The following BARX2 variants were observed in gnomAD, a reference collection of about 807,000 sequenced individuals.
BARX2 encodes the protein homeobox protein BarH-like 2.
BARX2 carries 11 observed loss-of-function variants against 25.5 expected under a neutral mutation model. The ratio of observed to expected loss-of-function variants is 0.43; its 90% CI spans 0.27 to 0.71. The LOEUF (loss-of-function observed/expected upper bound fraction) is 0.71. Among genes scored for constraint, BARX2 ranks in the 30% least tolerant of loss-of-function variants. The pLI is 0.19. For synonymous variants in BARX2, 137 were observed against 149.5 expected (o/e 0.92, Z 0.61); for missense variants, 360 against 359.9 (o/e 1.00, Z 0.00).
Position 129,397,636 on chromosome 11 carries a change from G to C in BARX2, c.187+21414G>C, listed in dbSNP as rs147746533. On this transcript the variant is annotated intron_variant, in intron 1 of 3. Transcript: ENST00000281437. ...ACGCACCAGGCGCTATGTGAAGACT[G>C]CACAGATGATGGTGATGTGAGCGTC... Among the ~76,000 whole-genome samples the C allele has an allele frequency of 7.9e-5, 12 of 152,332 alleles. No individual in the cohort carries two copies. In the East Asian group the frequency reaches 2.3e-3, roughly 29 times the overall value.
intron 1 of BARX2, among the ~76,000 whole-genome samples, chr11:129,404,079 A>T (rs1861804754): frequency 6.6e-6 from 1 of 152,224 alleles, no homozygotes; most frequent in South Asian, 2.1e-4. Flanking sequence ...TCCAGTATCT[A>T]TGTTGTCCTG....
chr11:129,443,570 G>A (rs572782438), intron 3 of BARX2, among the ~76,000 whole-genome samples: 6 of 152,290 alleles, frequency 3.9e-5, no homozygotes, highest in Admixed American at 3.3e-4. Flanking sequence ...GGGAATGTGC[G>A]TGTTAACAAG....
Position 129,436,872 on chromosome 11 carries a change from C to G in BARX2, c.309C>G (p.Thr103=). 6.2e-7 allele frequency: 1 copy of G among 1,614,050 alleles called. No individual in the cohort carries two copies. Among genetic ancestry groups the G allele is most frequent in the East Asian group, 2.2e-5 (1 of 44,878 alleles). The change falls in exon 2 of 4, where the codon ACC becomes ACG. Residue 103 remains threonine (T), a synonymous_variant. Coordinates refer to ENST00000281437, the MANE Select transcript of BARX2 (RefSeq NM_003658.5). This position sits in a 1 kb window ranked among gnomAD's most constrained non-coding sequence, Gnocchi z 4.5. The part of the protein sequence containing the change: ...IAQALSCHQV[T]EAVSAEAPGG... ...AGGCACTGTCCTGCCACCAGGTCAC[C>G]GAGGCGGTCTCTGCTGAGGCCCCAG... is the stretch of plus-strand genomic sequence containing the variant.
intron 1 of BARX2, among the ~76,000 whole-genome samples, chr11:129,422,865 A>G (rs925926439): frequency 1.1e-4 from 16 of 151,622 alleles, no homozygotes; most frequent in African/African-American, 3.9e-4. Flanking sequence ...CACCACACCT[A>G]GCTAATTTTG....
chr11:129,439,482 A>AT (rs1443804135), intron 2 of BARX2, among the ~76,000 whole-genome samples: 1 of 151,504 alleles, frequency 6.6e-6, no homozygotes, highest in African/African-American at 2.4e-5. Context: ...CCCTGTGTCC[A>AT]TGTGTGAGAA....
intron 1 of BARX2, among the ~76,000 whole-genome samples, chr11:129,404,685 A>T (rs1861812370): frequency 6.6e-6 from 1 of 152,182 alleles, no homozygotes; most frequent in Non-Finnish European, 1.5e-5. Context: ...CTGTTATTTC[A>T]TGTTTCATTC....
At chr11:129,426,800 A>ATT (rs10596885) in intron 1 of BARX2, among the ~76,000 whole-genome samples, 1 of 146,300 alleles carries the variant, frequency 6.8e-6, no homozygotes. Context: ...TTTTCTGTGG[A>ATT]TTTTTTTTTT....
At chr11:129,411,271 T>C (rs2135398284) in intron 1 of BARX2, among the ~76,000 whole-genome samples, 1 of 148,414 alleles carries the variant, frequency 6.7e-6, no homozygotes, top group South Asian at 2.1e-4. Context: ...CTCGGGAGGC[T>C]GAGGCAGGAG....
intron 1 of BARX2, among the ~76,000 whole-genome samples, chr11:129,429,106 G>A (rs1465641480): frequency 6.7e-6 from 1 of 149,786 alleles, no homozygotes; most frequent in Non-Finnish European, 1.5e-5. Context: ...ACCAGCAATT[G>A]CTTTTCAGCC....
chr11:129,421,266 A>T (rs768595119), intron 1 of BARX2, among the ~76,000 whole-genome samples: 13 of 152,204 alleles, frequency 8.5e-5, no homozygotes, highest in Non-Finnish European at 1.6e-4. Flanking sequence ...TTGATGTCTC[A>T]TGTAAAAATT....
rs1210097290 is a variant in BARX2 at position 129,451,196 on chromosome 11, A to C, written c.634A>C (p.Ile212Leu). Residue 212 changes from isoleucine (I) to leucine (L), a missense_variant, in exon 4 of 4, where the codon ATC (isoleucine) becomes CTC (leucine). By Grantham distance (5) the Ile-to-Leu change is conservative. Around this residue, in one of 3 missense-constraint regions of BARX2, gnomAD observed 114 missense variants for 109.4 expected, o/e 1.04. Transcript: ENST00000281437. ...CAAAGGTCGCCCCAAGAAGAACTCC[A>C]TCCCCACATCAGAAGAGATTGAAGC... ...KPKGRPKKNS[I>L]PTSEEIEAEE... 2 of 1,614,180 alleles carry C rather than the reference A, an allele frequency of 1.2e-6. No homozygotes were observed. Among genetic ancestry groups the C allele is most frequent in the Admixed American group, 1.7e-5 (1 of 60,028 alleles).
chr11:129,411,137 C>T (rs1272512495), intron 1 of BARX2, among the ~76,000 whole-genome samples: 5 of 151,920 alleles, frequency 3.3e-5, no homozygotes, highest in South Asian at 2.1e-4. Flanking sequence ...TTTGGGAGGC[C>T]GAGGCGGGTG....
rs147172356 is a variant in BARX2, at chr11:129,401,083, A to G, written c.187+24861A>G. Among the ~76,000 whole-genome samples the G allele has an allele frequency of 2.6e-5, 4 of 152,340 alleles. No homozygotes were observed. The East Asian group carries it at 7.7e-4, about 29-fold the overall frequency. On this transcript the variant is annotated intron_variant, in intron 1 of 3. Coordinates refer to ENST00000281437, the MANE Select transcript of BARX2 (RefSeq NM_003658.5). ...GTGCAAGATCCTGCTCTTCACTAAGAAACATATTCTGGATATAAAAATGGT... is the reference window on the plus strand; with the variant it reads ...GTGCAAGATCCTGCTCTTCACTAAGGAACATATTCTGGATATAAAAATGGT...
chr11:129,408,704 C>T (rs1482179735), intron 1 of BARX2, among the ~76,000 whole-genome samples: 1 of 152,220 alleles, frequency 6.6e-6, no homozygotes, highest in Non-Finnish European at 1.5e-5. Flanking sequence ...CTCCCCCATA[C>T]ATGCTCCATC....
intron 1 of BARX2, among the ~76,000 whole-genome samples, chr11:129,384,793 G>C (rs1861602335): frequency 6.6e-6 from 1 of 152,070 alleles, no homozygotes; most frequent in Non-Finnish European, 1.5e-5. Context: ...TCATAGACAG[G>C]GCAATAATAG....
intron 3 of BARX2, 144 bp from the exon 4 acceptor site, chr11:129,450,992 T>C (rs1041085763): frequency 6.8e-5 from 63 of 924,956 alleles, no homozygotes; most frequent in Non-Finnish European, 9.6e-5. Flanking sequence ...CCAGAGGTGA[T>C]GGGTTGAGAA....
In BARX2 at chr11:129,376,065, C is replaced by T. The variant is rs529258076; in HGVS notation, c.30C>T (p.Ser10=). The change falls in exon 1 of 4, where the codon AGC becomes AGT. Residue 10 remains serine (S), a synonymous_variant. Coordinates refer to ENST00000281437, the MANE Select transcript of BARX2 (RefSeq NM_003658.5). This position sits in a 1 kb window ranked among gnomAD's most constrained non-coding sequence, Gnocchi z 4.2. The stretch of plus-strand genomic sequence containing the variant: ...ACTGCCACGCCGAGCTGAGGCTGAG[C>T]TCGCCCGGCCAGCTCAAAGCAGCCA... MHCHAELRL[S]SPGQLKAARR... 5.6e-6 allele frequency: 9 copies of T among 1,602,232 alleles called. No individual in the cohort carries two copies. The highest frequency in any genetic ancestry group is 2.7e-5 in the African/African-American group (2 of 73,750).
At chr11:129,385,194 G>A (rs1408683533) in intron 1 of BARX2, among the ~76,000 whole-genome samples, 1 of 152,168 alleles carries the variant, frequency 6.6e-6, no homozygotes, top group African/African-American at 2.4e-5. Flanking sequence ...TCCACACTCC[G>A]GCGGGAGTGC....
At chr11:129,420,567 C>A (rs1861993361) in intron 1 of BARX2, among the ~76,000 whole-genome samples, 1 of 152,210 alleles carries the variant, frequency 6.6e-6, no homozygotes, top group Admixed American at 6.5e-5. Context: ...ATCACCTAAT[C>A]TCAAAGTCTT....
Sources: gnomAD v4.1 joint callset for allele counts (sites outside exome capture counted in the v4.1 genomes callset) on GRCh38, gnomAD v4.1.1 for gene constraint, gnomAD v4.1.1 regional missense constraint, Gnocchi (gnomAD v3.1) non-coding constraint, MANE v1.5 for transcripts, NCBI Gene and HGNC (gene_info 2026-07-23, HGNC 2026-07-21) for gene names.